Variants in P2RX3 observed in about 807,000 individuals in gnomAD.
The protein encoded by P2RX3 is P2X purinoceptor 3.
A neutral mutation model predicts 51.5 loss-of-function variants in P2RX3; 41 were observed. The ratio of observed to expected loss-of-function variants is 0.80; its 90% CI spans 0.62 to 1.03. The LOEUF (loss-of-function observed/expected upper bound fraction) is 1.03, where lower values mean the gene tolerates loss of function less well. P2RX3 is among the 50% of genes least tolerant of loss of function. P2RX3 has a pLI of 0.00. For missense variants in P2RX3, 459 were observed against 522.1 expected (o/e 0.88, Z 1.18); for synonymous variants, 185 against 191.6 (o/e 0.97, Z 0.29).
At chr11:57,355,237 C>T (rs1278130001) in intron 8 of P2RX3, among the ~76,000 whole-genome samples, 1 of 152,180 alleles carries the variant, frequency 6.6e-6, no homozygotes, top group Non-Finnish European at 1.5e-5. Flanking sequence ...CTTTATGCCC[C>T]CGATGAAAAT....
intron 1 of P2RX3, 90 bp from the exon 2 acceptor site, chr11:57,346,454 A>G: frequency 6.6e-7 from 1 of 1,510,250 alleles, no homozygotes; most frequent in Non-Finnish European, 9.0e-7. Flanking sequence ...GGCATGGCCA[A>G]GTGTTGGCAG....
Position 57,369,435 on chromosome 11 carries a change from G to A in P2RX3, c.1077G>A (p.Glu359=), listed in dbSNP as rs766347091. ...ACCAGTACAAAGCCAAGAAGTTTGA[G>A]GAGGTGAGTTGGGGAAGGGGCACCC... The part of the protein sequence containing the change: ...GADQYKAKKF[E]EVNETTLKIA... Residue 359 remains glutamate (E), a synonymous_variant, in exon 11 of 12, where the codon GAG becomes GAA. Transcript: ENST00000263314. 5.6e-6 allele frequency: 9 copies of A among 1,605,986 alleles called. No individual in the cohort carries two copies. In the Admixed American group the frequency reaches 1.5e-4, roughly 27 times the overall value.
At chr11:57,349,921 G>A (rs770204846) in intron 7 of P2RX3, 23 bp downstream of exon 7, 1 of 1,613,448 alleles carries the variant, frequency 6.2e-7, no homozygotes, top group Non-Finnish European at 8.5e-7. Flanking sequence ...CCATTCTTCC[G>A]CGACCCCAAA....
intron 8 of P2RX3, among the ~76,000 whole-genome samples, chr11:57,351,266 G>C (rs1467727493): frequency 6.6e-6 from 1 of 152,150 alleles, no homozygotes; most frequent in Non-Finnish European, 1.5e-5. Context: ...CCTGCCCTGG[G>C]CCTGAATTTT....
intron 1 of P2RX3, among the ~76,000 whole-genome samples, chr11:57,339,518 TACACACAC>T (rs10685137): frequency 6.6e-6 from 1 of 150,414 alleles, no homozygotes; most frequent in East Asian, 2.0e-4. Flanking sequence ...AGCACACACC[TACACACAC>T]ACACACACAC....
intron 8 of P2RX3, among the ~76,000 whole-genome samples, chr11:57,364,819 G>C (rs1234697228): frequency 6.6e-6 from 1 of 151,744 alleles, no homozygotes; most frequent in Non-Finnish European, 1.5e-5. Context: ...CTCTTTCCTT[G>C]ACCTCCAAGC....
intron 8 of P2RX3, among the ~76,000 whole-genome samples, chr11:57,352,899 G>A (rs1331560908): frequency 6.6e-6 from 1 of 152,202 alleles, no homozygotes; most frequent in Non-Finnish European, 1.5e-5. Context: ...CCCCAGGCCA[G>A]AGAAGAAGGA....
intron 9 of P2RX3, 128 bp downstream of exon 9, chr11:57,368,230 ACT>A: frequency 7.7e-7 from 1 of 1,297,108 alleles, no homozygotes; most frequent in Non-Finnish European, 1.1e-6. Flanking sequence ...TCAGTGGGTC[ACT>A]CTCCCATCAA....
At chr11:57,364,694 A>G (rs1375000430) in intron 8 of P2RX3, among the ~76,000 whole-genome samples, 2 of 152,020 alleles carry the variant, frequency 1.3e-5, no homozygotes, top group Non-Finnish European at 2.9e-5. Context: ...CCATCCTATT[A>G]TCCTCCTTTT....
chr11:57,348,089 G>T (rs1156852610), intron 4 of P2RX3, 81 bp from the exon 5 acceptor site: 2 of 1,260,738 alleles, frequency 1.6e-6, no homozygotes, highest in Non-Finnish European at 2.2e-6. Context: ...GGTCCCTGAT[G>T]GGGGGAAGGG....
chr11:57,338,628 C>T lies in P2RX3; in HGVS notation c.78C>T (p.Ile26=). 11 of 1,596,610 alleles carry T rather than the reference C, an allele frequency of 6.9e-6. No individual in the cohort carries two copies. Among genetic ancestry groups the T allele is most frequent in the Non-Finnish European group, 9.4e-6 (11 of 1,165,620 alleles). The change falls in exon 1 of 12, where the codon ATC becomes ATT. Residue 26 remains isoleucine (I), a synonymous_variant. Coordinates refer to ENST00000263314, the MANE Select transcript of P2RX3 (RefSeq NM_002559.5). ...VVVKSWTIGI[I]NRVVQLLIIS... is the part of the protein sequence containing the mutation. ...TGAAGAGCTGGACCATCGGGATCAT[C>T]AACCGAGTAGTTCAGCTTCTGATCA...
At chr11:57,337,628 T>C (rs1445541812), upstream of P2RX3, among the ~76,000 whole-genome samples, 1 of 151,974 alleles carries the variant, frequency 6.6e-6, no homozygotes, top group East Asian at 1.9e-4. Flanking sequence ...ATGAGAACAC[T>C]TGGACACAGG....
At position 57,338,603 on chromosome 11, in the gene P2RX3, T is replaced by C; in HGVS notation, c.53T>C (p.Val18Ala). ...TATGAGACCACCAAGTCGGTGGTTG[T>C]GAAGAGCTGGACCATCGGGATCATC... ...FTYETTKSVV[V>A]KSWTIGIINR... is the part of the protein sequence containing the mutation. The change falls in exon 1 of 12, where the codon GTG becomes GCG. Residue 18 changes from valine (V) to alanine (A), a missense_variant. Coordinates refer to ENST00000263314, the MANE Select transcript of P2RX3 (RefSeq NM_002559.5). 6.3e-7 allele frequency: 1 copy of C among 1,597,720 alleles called. No individual in the cohort carries two copies. Among genetic ancestry groups the C allele is most frequent in the Non-Finnish European group, 8.6e-7 (1 of 1,166,528 alleles).
intron 10 of P2RX3, 71 bp downstream of exon 10, chr11:57,368,508 G>T: frequency 1.9e-6 from 3 of 1,552,528 alleles, no homozygotes; most frequent in Non-Finnish European, 1.8e-6. Context: ...GCAGGCAGGG[G>T]AGTGACGGCG....
chr11:57,371,948 G>A lies in P2RX3; in HGVS notation c.*1951G>A, dbSNP rs990548764. 2.4e-4 allele frequency among the ~76,000 whole-genome samples: 33 copies of A among 135,228 alleles called. No individual in the cohort carries two copies. The highest frequency in any genetic ancestry group is 5.7e-4 in the African/African-American group (21 of 36,910). 88.7% of individuals were successfully genotyped at this position (135,228 alleles called of 152,430 possible). A position where few individuals can be genotyped will look rare whatever the true frequency, so the allele number is the denominator to read the frequency against. Reference sequence around the variant, plus strand: ...AGGTGGTCCTCCTGTAGGTGCCTCCGCCCCTCTGGAGCCGGCCAGCAAGTG... The same window carrying A: ...AGGTGGTCCTCCTGTAGGTGCCTCCACCCCTCTGGAGCCGGCCAGCAAGTG... On this transcript the variant is annotated 3_prime_UTR_variant, in exon 12 of 12. Coordinates refer to ENST00000263314, the MANE Select transcript of P2RX3 (RefSeq NM_002559.5).
At chr11:57,343,194 A>T (rs1434715260) in intron 1 of P2RX3, among the ~76,000 whole-genome samples, 2 of 152,214 alleles carry the variant, frequency 1.3e-5, no homozygotes, top group Non-Finnish European at 2.9e-5. Flanking sequence ...TATTTAAGTC[A>T]GAGAGAGAAT....
chr11:57,365,594 A>G (rs1293912324), intron 8 of P2RX3, among the ~76,000 whole-genome samples: 2 of 152,138 alleles, frequency 1.3e-5, no homozygotes, highest in Non-Finnish European at 2.9e-5. Context: ...AAGAATCTCA[A>G]TGGTGTTCGC....
chr11:57,367,589 C>T (rs368321888), intron 8 of P2RX3, among the ~76,000 whole-genome samples: 2 of 152,168 alleles, frequency 1.3e-5, no homozygotes, highest in Admixed American at 6.5e-5. Context: ...GGGATGGTGG[C>T]GCGTGCCTGT....
chr11:57,366,163 G>C (rs77511526), intron 8 of P2RX3, among the ~76,000 whole-genome samples: 1,658 of 152,314 alleles, frequency 0.011, 34 homozygotes, highest in African/African-American at 0.038. Flanking sequence ...CCAAAGAGAT[G>C]ACACTTTCCT....
Sources: allele counts gnomAD v4.1 joint callset (sites outside exome capture counted in the v4.1 genomes callset), GRCh38; gene constraint gnomAD v4.1.1; transcripts MANE v1.5; gene names NCBI Gene and HGNC (gene_info 2026-07-23, HGNC 2026-07-21).